TMEM26: variants seen among roughly 807,000 people sequenced by gnomAD.
TMEM26 encodes the protein transmembrane protein 26.
In TMEM26, 38 loss-of-function variants were observed where a neutral mutation model predicts 28.8. The observed-to-expected ratio is 1.32, with a 90% CI of 1.02 to 1.73. TMEM26 has a LOEUF of 1.73. Ranked by LOEUF, TMEM26 falls within the 40% of genes most tolerant of loss-of-function variation. The pLI is 0.00. For synonymous variants in TMEM26, 227 were observed against 182.9 expected (o/e 1.24, Z -1.95); for missense variants, 518 against 447.1 (o/e 1.16, Z -1.43).
rs1297397232 is a variant in TMEM26, at chr10:61,410,700, G to A, written c.729C>T (p.Pro243=). 5.6e-6 allele frequency: 9 copies of A among 1,613,984 alleles called. No individual in the cohort carries two copies. The highest frequency in any genetic ancestry group is 1.3e-5 in the African/African-American group (1 of 74,890). ...CACTGTACTGGCAAAAGAACAGGCTGGGGAATCCCCTCTCTGTCACAGACA... is the reference window on the plus strand; with the variant it reads ...CACTGTACTGGCAAAAGAACAGGCTAGGGAATCCCCTCTCTGTCACAGACA... The part of the protein sequence containing the change: ...CPVSVTERGF[P]SLFFCQYSAD... Residue 243 remains proline, a synonymous_variant, in exon 6 of 6, where the codon CCC becomes CCT. Coordinates refer to ENST00000399298, the MANE Select transcript of TMEM26 (RefSeq NM_178505.8).
chr10:61,425,432 A>G (rs1189643610), intron 4 of TMEM26, among the ~76,000 whole-genome samples: 1 of 152,194 alleles, frequency 6.6e-6, no homozygotes, highest in Non-Finnish European at 1.5e-5. Flanking sequence ...GTGAAAGAAC[A>G]TATTGATAGA....
At chr10:61,449,885 T>A (rs1367253360) in intron 1 of TMEM26, among the ~76,000 whole-genome samples, 1 of 152,170 alleles carries the variant, frequency 6.6e-6, no homozygotes, top group Non-Finnish European at 1.5e-5. Flanking sequence ...TTTACATTTT[T>A]AAAAAATGTA....
At chr10:61,434,351 C>T (rs1236208977) in intron 2 of TMEM26, among the ~76,000 whole-genome samples, 6 of 151,986 alleles carry the variant, frequency 3.9e-5, no homozygotes, top group Non-Finnish European at 8.8e-5. Context: ...TTTGGTTGCA[C>T]GTTATTTGTT....
intron 1 of TMEM26, among the ~76,000 whole-genome samples, chr10:61,437,780 TC>T (rs1378967964): frequency 6.6e-6 from 1 of 152,160 alleles, no homozygotes; most frequent in Non-Finnish European, 1.5e-5. Flanking sequence ...CAAGACTCCG[TC>T]TCAAGAAAAA....
intron 1 of TMEM26, among the ~76,000 whole-genome samples, chr10:61,443,522 G>C (rs533707099): frequency 2.0e-5 from 3 of 151,650 alleles, no homozygotes; most frequent in Non-Finnish European, 4.4e-5. Context: ...TGATCTTAAG[G>C]ATAGACCAGA....
At chr10:61,413,771 T>C in intron 4 of TMEM26, 1 of 1,177,686 alleles carries the variant, frequency 8.5e-7, no homozygotes, top group Non-Finnish European at 1.1e-6. Flanking sequence ...TGACAAAGCC[T>C]CTTGGTCCCA....
intron 4 of TMEM26, among the ~76,000 whole-genome samples, chr10:61,419,731 C>A (rs1354976599): frequency 1.3e-5 from 2 of 151,596 alleles, no homozygotes; most frequent in African/African-American, 4.8e-5. Flanking sequence ...ACAGAAGACC[C>A]AGAAGAAGAA....
chr10:61,434,366 C>T (rs74157961), intron 2 of TMEM26, among the ~76,000 whole-genome samples: 22,343 of 151,960 alleles, frequency 0.15, 1,778 homozygotes, highest in East Asian at 0.22. Context: ...TTTGTTGTAA[C>T]GGGATTTGAG....
At chr10:61,422,579 A>T (rs1421189521) in intron 4 of TMEM26, among the ~76,000 whole-genome samples, 3 of 152,190 alleles carry the variant, frequency 2.0e-5, no homozygotes, top group Non-Finnish European at 4.4e-5. Flanking sequence ...TGACAGAAGA[A>T]ATTGGAAAAT....
intron 5 of TMEM26, 51 bp from the exon 6 acceptor site, chr10:61,410,797 A>T (rs763895336): frequency 6.4e-7 from 1 of 1,564,766 alleles, no homozygotes; most frequent in Non-Finnish European, 8.7e-7. Context: ...GTGTAGACAT[A>T]TAAGACAATG....
intron 5 of TMEM26, among the ~76,000 whole-genome samples, chr10:61,412,075 A>T (rs1485196738): frequency 6.6e-6 from 1 of 152,184 alleles, no homozygotes; most frequent in Non-Finnish European, 1.5e-5. Context: ...AGAGAAACCA[A>T]GGTTATATCA....
At chr10:61,437,070 G>T (rs887483088) in intron 1 of TMEM26, among the ~76,000 whole-genome samples, 4 of 152,152 alleles carry the variant, frequency 2.6e-5, no homozygotes, top group African/African-American at 7.2e-5. Context: ...GGAGGCTGGG[G>T]GTCTGAGATT....
intron 4 of TMEM26, chr10:61,416,194 ATCTTTTGAAGTT>A (rs1430706412): frequency 2.4e-6 from 1 of 420,344 alleles, no homozygotes; most frequent in East Asian, 7.3e-5. Context: ...TTTTCACAAG[ATCTTTTGAAGTT>A]TCATCTAATC....
At position 61,410,147 on chromosome 10, in the gene TMEM26, A is replaced by C; in HGVS notation, c.*175T>G. The stretch of plus-strand genomic sequence containing the variant: ...GAAGTTGTAGCAATAGTCACTAATC[A>C]AAGTTCCTTCTATTCAGTTGAAAAA... On this transcript the variant is annotated 3_prime_UTR_variant, in exon 6 of 6. Transcript: ENST00000399298. The C allele has an allele frequency of 1.5e-6, 1 of 646,734 alleles. No individual in the cohort carries two copies. Among genetic ancestry groups the C allele is most frequent in the Non-Finnish European group, 2.6e-6 (1 of 382,426 alleles). The allele number at this position is 646,734 out of a possible 1,614,324, so 40.1% of individuals were successfully genotyped here.
At chr10:61,428,118 G>T (rs1839861263) in intron 4 of TMEM26, among the ~76,000 whole-genome samples, 1 of 152,054 alleles carries the variant, frequency 6.6e-6, no homozygotes, top group African/African-American at 2.4e-5. Flanking sequence ...TTTATGTTTT[G>T]TTGTTTGAGA....
chr10:61,435,948 A>G (rs1839998062), intron 2 of TMEM26, among the ~76,000 whole-genome samples: 2 of 152,192 alleles, frequency 1.3e-5, no homozygotes, highest in Non-Finnish European at 2.9e-5. Flanking sequence ...ATGTTAATTC[A>G]CTATATAATC....
At chr10:61,417,438 A>G (rs920440907) in intron 4 of TMEM26, among the ~76,000 whole-genome samples, 1 of 151,518 alleles carries the variant, frequency 6.6e-6, no homozygotes, top group Non-Finnish European at 1.5e-5. Context: ...TGTAGAAAAG[A>G]CAGAATCAGT....
chr10:61,444,562 T>C, intron 1 of TMEM26, among the ~76,000 whole-genome samples: 1 of 151,852 alleles, frequency 6.6e-6, no homozygotes, highest in South Asian at 2.1e-4. Flanking sequence ...CAGACACTCT[T>C]GTATGTAGTG....
At chr10:61,416,055 C>T (rs1161608348) in intron 4 of TMEM26, 6 of 449,738 alleles carry the variant, frequency 1.3e-5, no homozygotes, top group Admixed American at 2.4e-5. Flanking sequence ...AATAATATTA[C>T]CTCAAAATAG....
Sources: gnomAD v4.1 joint callset for allele counts (sites outside exome capture counted in the v4.1 genomes callset) on GRCh38, gnomAD v4.1.1 for gene constraint, MANE v1.5 for transcripts, NCBI Gene and HGNC (gene_info 2026-07-23, HGNC 2026-07-21) for gene names.